Variants in FAT3 observed in about 807,000 individuals in gnomAD.
FAT3 encodes FAT atypical cadherin 3.
A neutral mutation model predicts 310.2 loss-of-function variants in FAT3; 95 were observed. That is an observed-to-expected ratio of 0.31 (90% CI 0.26 to 0.36). FAT3 has a LOEUF of 0.36. Ranked by LOEUF, FAT3 falls within the 10% of genes least tolerant of loss-of-function variation. The probability of loss-of-function intolerance (pLI) is 1.00; values close to 1 mark genes in which losing one functional copy is unlikely to be tolerated. For synonymous variants in FAT3, 2,314 were observed against 2,192.9 expected (o/e 1.06, Z -1.54); for missense variants, 5,408 against 5,715.6 (o/e 0.95, Z 1.74).
At chr11:92,522,838 G>C (rs1270214607) in intron 2 of FAT3, among the ~76,000 whole-genome samples, 1 of 152,064 alleles carries the variant, frequency 6.6e-6, no homozygotes, top group Admixed American at 6.6e-5. Flanking sequence ...TTGCATGTAT[G>C]TTTGCCCACT....
At chr11:92,643,065 G>T (rs907552247) in intron 3 of FAT3, among the ~76,000 whole-genome samples, 6 of 152,196 alleles carry the variant, frequency 3.9e-5, no homozygotes, top group African/African-American at 1.4e-4. Flanking sequence ...ACACAACACA[G>T]ACATGATTTC....
chr11:92,842,860 T>C (rs570733001), intron 18 of FAT3, among the ~76,000 whole-genome samples: 49 of 152,298 alleles, frequency 3.2e-4, no homozygotes, highest in African/African-American at 1.1e-3. Context: ...GCAGCCTAGG[T>C]GGCAGGACGA....
intron 22 of FAT3, among the ~76,000 whole-genome samples, chr11:92,879,210 AG>A (rs1388515775): frequency 6.6e-6 from 1 of 152,220 alleles, no homozygotes; most frequent in African/African-American, 2.4e-5. Context: ...AAGTCTCACA[AG>A]ATTTCCTTCC....
intron 3 of FAT3, among the ~76,000 whole-genome samples, chr11:92,666,741 C>A (rs1443943627): frequency 6.6e-6 from 1 of 152,026 alleles, no homozygotes; most frequent in Admixed American, 6.6e-5. Flanking sequence ...AGCAACATGG[C>A]ATAGCACTGT....
chr11:92,847,229 A>G lies in FAT3; in HGVS notation c.11365+2497A>G, dbSNP rs544206408. Among the ~76,000 whole-genome samples, 87 of 152,326 alleles carry G rather than the reference A, an allele frequency of 5.7e-4. 1 individual carries two copies. In the South Asian group the frequency reaches 0.016, roughly 29 times the overall value. On this transcript the variant is annotated intron_variant, in intron 19 of 27. Transcript: ENST00000525166. The stretch of plus-strand genomic sequence containing the variant: ...TAGTCCCATACGATTATAATACCAT[A>G]TTTTTATTATGCCTTTTCTATGTTT...
At chr11:92,291,119 G>GCACACACACACACACA (rs1555002226) in intron 1 of FAT3, among the ~76,000 whole-genome samples, 1 of 28,800 alleles carries the variant, frequency 3.5e-5, no homozygotes, top group Non-Finnish European at 8.3e-5. Flanking sequence ...ACACACACAT[G>GCACACACACACACACA]CACGCGCGCA....
intron 1 of FAT3, among the ~76,000 whole-genome samples, chr11:92,320,617 C>A (rs1223539940): frequency 6.6e-6 from 1 of 152,098 alleles, no homozygotes; most frequent in Non-Finnish European, 1.5e-5. Flanking sequence ...CCTGTAATCC[C>A]AGCACTTTGG....
At chr11:92,538,573 T>C (rs1484501270) in intron 3 of FAT3, among the ~76,000 whole-genome samples, 1 of 152,182 alleles carries the variant, frequency 6.6e-6, no homozygotes, top group African/African-American at 2.4e-5. Flanking sequence ...AATCGATGAA[T>C]AATCAATCTG....
intron 2 of FAT3, among the ~76,000 whole-genome samples, chr11:92,375,292 C>T (rs945552101): frequency 2.0e-5 from 3 of 151,940 alleles, no homozygotes; most frequent in Non-Finnish European, 4.4e-5. Flanking sequence ...TGCCACCACC[C>T]TCAACTAATT....
intron 2 of FAT3, among the ~76,000 whole-genome samples, chr11:92,481,496 G>T (rs1952226853): frequency 1.3e-5 from 2 of 152,136 alleles, no homozygotes; most frequent in African/African-American, 4.8e-5. Flanking sequence ...TGTAGGAATT[G>T]TTTTGAAGAG....
intron 25 of FAT3, among the ~76,000 whole-genome samples, chr11:92,887,703 A>G (rs1293852312): frequency 6.6e-6 from 1 of 152,152 alleles, no homozygotes; most frequent in African/African-American, 2.4e-5. Flanking sequence ...TGACACTCCA[A>G]AGCTGCTACC....
rs556384659 is a variant in FAT3 at position 92,560,707 on chromosome 11, T to C, written c.3607+35759T>C. 1.4e-4 allele frequency among the ~76,000 whole-genome samples: 22 copies of C among 152,340 alleles called. No homozygotes were observed. In the East Asian group the frequency reaches 4.1e-3, roughly 28 times the overall value. ...AAACTTGTGTCATTCAGTTTTAGTG[T>C]TGGGCTTTCTAAATACCTCATTCTG... On this transcript the variant is annotated intron_variant, in intron 3 of 27. Coordinates refer to ENST00000525166, the MANE Select transcript of FAT3 (RefSeq NM_001367949.2).
intron 2 of FAT3, among the ~76,000 whole-genome samples, chr11:92,473,223 A>G (rs1385070811): frequency 6.6e-6 from 1 of 152,150 alleles, no homozygotes; most frequent in Non-Finnish European, 1.5e-5. Flanking sequence ...TCATGTTTGT[A>G]TACTTAATTG....
intron 2 of FAT3, among the ~76,000 whole-genome samples, chr11:92,396,014 C>G (rs1188702823): frequency 6.6e-6 from 1 of 152,096 alleles, no homozygotes; most frequent in Non-Finnish European, 1.5e-5. Context: ...TAGTGTTTTA[C>G]CCTGTCTCCT....
intron 1 of FAT3, among the ~76,000 whole-genome samples, chr11:92,245,175 G>A (rs1372813810): frequency 6.6e-6 from 1 of 152,114 alleles, no homozygotes; most frequent in Non-Finnish European, 1.5e-5. Flanking sequence ...AAAAGGATGA[G>A]TTCATGTCCT....
chr11:92,789,873 G>T (rs545933237), intron 7 of FAT3, 70 bp from the exon 8 acceptor site: 41 of 1,519,814 alleles, frequency 2.7e-5, no homozygotes, highest in Non-Finnish European at 3.2e-5. Context: ...AGAAAAAGAG[G>T]GAGGGCATAC....
At chr11:92,775,736 T>G (rs1946581784) in intron 7 of FAT3, among the ~76,000 whole-genome samples, 1 of 152,236 alleles carries the variant, frequency 6.6e-6, no homozygotes, top group Admixed American at 6.5e-5. Flanking sequence ...AAATTAGTTT[T>G]CTAAAATATG....
At chr11:92,423,277 C>G (rs954141493) in intron 2 of FAT3, among the ~76,000 whole-genome samples, 1 of 152,054 alleles carries the variant, frequency 6.6e-6, no homozygotes, top group African/African-American at 2.4e-5. Flanking sequence ...TGAAGTTAGT[C>G]GGTTGCAAAG....
At chr11:92,639,971 C>A (rs548627856) in intron 3 of FAT3, among the ~76,000 whole-genome samples, 76 of 152,286 alleles carry the variant, frequency 5.0e-4, no homozygotes, top group African/African-American at 1.7e-3. Flanking sequence ...CTTATACATG[C>A]CACCTCCATA....
Sources: allele counts gnomAD v4.1 joint callset (sites outside exome capture counted in the v4.1 genomes callset), GRCh38; gene constraint gnomAD v4.1.1; transcripts MANE v1.5; gene names NCBI Gene and HGNC (gene_info 2026-07-23, HGNC 2026-07-21).